IL34: variants seen among roughly 807,000 people sequenced by gnomAD.
IL34 encodes interleukin-34.
A neutral mutation model predicts 25.3 loss-of-function variants in IL34; 17 were observed. The observed-to-expected ratio is 0.67, with a 90% confidence interval of 0.46 to 1.01. IL34 has a LOEUF of 1.01. IL34 is among the 50% of genes least tolerant of loss of function. IL34 has a pLI of 0.00. For missense variants in IL34, 368 were observed against 312.9 expected, an observed-to-expected ratio of 1.18 and a Z score of -1.33; for synonymous variants, 174 against 140.9, an observed-to-expected ratio of 1.23 and a Z score of -1.66.
intron 1 of IL34, among the ~76,000 whole-genome samples, chr16:70,588,122 G>A (rs1222987955): frequency 1.3e-5 from 2 of 152,142 alleles, no homozygotes; most frequent in African/African-American, 4.8e-5. Context: ...GTTAACTGGT[G>A]CAGCTGCTGT....
intron 1 of IL34, among the ~76,000 whole-genome samples, chr16:70,637,531 A>G (rs2051682912): frequency 6.6e-6 from 1 of 151,906 alleles, no homozygotes; most frequent in Non-Finnish European, 1.5e-5. Context: ...TTTAGTAGAG[A>G]CGGGGTTTTA....
chr16:70,632,408 C>A (rs978898047), intron 1 of IL34, among the ~76,000 whole-genome samples: 3 of 152,178 alleles, frequency 2.0e-5, no homozygotes, highest in Non-Finnish European at 4.4e-5. Flanking sequence ...AACAAAATCT[C>A]CTTTTGTAGG....
chr16:70,642,262 CAG>C (rs560518038), upstream of IL34, among the ~76,000 whole-genome samples: 109 of 148,746 alleles, frequency 7.3e-4, 1 homozygote, highest in African/African-American at 2.5e-3. Flanking sequence ...GAGACAAAGA[CAG>C]AGACAGAGAG....
chr16:70,646,751 T>TGCC lies in IL34; in HGVS notation c.-195_-193dup. 2 of 523,068 alleles carry TGCC rather than the reference T, an allele frequency of 3.8e-6. No individual in the cohort carries two copies. The highest frequency in any genetic ancestry group is 2.9e-5 in the South Asian group (1 of 34,194). 32.4% of individuals were successfully genotyped at this position (523,068 alleles called of 1,614,324 possible). ...ACCGCCCCCCGGCTGTCCTCCACGC[T>TGCC]GCCGGGCAGATAAGGGCAGCTGCTG... On this transcript the variant is annotated 5_prime_UTR_variant, in exon 1 of 6. Transcript: ENST00000288098.
chr16:70,623,193 C>T lies in IL34; in HGVS notation c.-400-23355C>T, dbSNP rs146526353. On this transcript the variant is annotated intron_variant, in intron 1 of 6. Coordinates refer to the IL34 transcript ENST00000429149. ...GTACAGCCCAGGTAATTTGCTGAGC[C>T]TAATGGGTGTCAGGGTCAGTCCAAG... Among the ~76,000 whole-genome samples, 894 of 152,120 alleles carry T rather than the reference C, an allele frequency of 5.9e-3. 6 individuals carry two copies. The highest frequency in any genetic ancestry group is 0.017 in the Middle Eastern group (5 of 294).
chr16:70,596,030 G>T (rs1321501280), intron 1 of IL34, among the ~76,000 whole-genome samples: 2 of 150,826 alleles, frequency 1.3e-5, no homozygotes, highest in Non-Finnish European at 2.9e-5. Context: ...AAAAAAGAAA[G>T]TTGTATAGAC....
At chr16:70,627,663 T>C (rs2051426519) in intron 1 of IL34, among the ~76,000 whole-genome samples, 1 of 152,046 alleles carries the variant, frequency 6.6e-6, no homozygotes, top group African/African-American at 2.4e-5. Flanking sequence ...AGAGATGGGA[T>C]CTCACTATGT....
chr16:70,607,691 G>A (rs1233244011), intron 1 of IL34, among the ~76,000 whole-genome samples: 1 of 152,082 alleles, frequency 6.6e-6, no homozygotes, highest in Admixed American at 6.6e-5. Context: ...TTTTATTGGG[G>A]ATAAATGTTG....
chr16:70,606,122 C>T (rs749754654), intron 1 of IL34, among the ~76,000 whole-genome samples: 7 of 151,938 alleles, frequency 4.6e-5, no homozygotes, highest in Non-Finnish European at 1.0e-4. Context: ...ATTGGCCAGG[C>T]GCAGTGGCTC....
intron 1 of IL34, among the ~76,000 whole-genome samples, chr16:70,589,450 C>G (rs1180978493): frequency 2.6e-5 from 4 of 152,034 alleles, no homozygotes; most frequent in Non-Finnish European, 5.9e-5. Context: ...TCCCTGAGTT[C>G]TCATCATTTA....
intron 1 of IL34, among the ~76,000 whole-genome samples, chr16:70,585,392 T>TA (rs1382578065): frequency 2.0e-5 from 3 of 152,068 alleles, no homozygotes; most frequent in Non-Finnish European, 4.4e-5. Context: ...CCTGGCCAAT[T>TA]AAAAAATAAT....
upstream of IL34, among the ~76,000 whole-genome samples, chr16:70,643,121 G>A (rs2051826146): frequency 1.3e-5 from 2 of 152,066 alleles, no homozygotes; most frequent in Admixed American, 1.3e-4. Context: ...GGAGTGCAGT[G>A]GGACTACCTC....
chr16:70,626,001 C>G (rs558136071), intron 1 of IL34, among the ~76,000 whole-genome samples: 1 of 152,188 alleles, frequency 6.6e-6, no homozygotes, highest in Non-Finnish European at 1.5e-5. Context: ...CGATCCGAGT[C>G]ACGGCACCGA....
At chr16:70,649,273 C>T (rs1029280310) in intron 1 of IL34, among the ~76,000 whole-genome samples, 2 of 152,152 alleles carry the variant, frequency 1.3e-5, no homozygotes, top group African/African-American at 4.8e-5. Context: ...CAGCTCGGGG[C>T]CTTTTGCAGT....
intron 1 of IL34, chr16:70,654,239 C>T (rs149557040): frequency 0.016 from 4,341 of 264,222 alleles, 53 homozygotes; most frequent in Non-Finnish European, 0.023. Flanking sequence ...GTGCCTGCCC[C>T]ACGGAGCGAC....
At chr16:70,589,718 G>A (rs901030855) in intron 1 of IL34, among the ~76,000 whole-genome samples, 1 of 151,576 alleles carries the variant, frequency 6.6e-6, no homozygotes. Context: ...AGCCTCCTGG[G>A]TTCAAGTGAT....
At chr16:70,591,394 A>T (rs572568379) in intron 1 of IL34, among the ~76,000 whole-genome samples, 41 of 152,034 alleles carry the variant, frequency 2.7e-4, no homozygotes, top group African/African-American at 9.4e-4. Context: ...TCTGGCAGGG[A>T]CAGCAGTTTA....
chr16:70,599,001 A>C (rs1304095554), intron 1 of IL34, among the ~76,000 whole-genome samples: 1 of 152,220 alleles, frequency 6.6e-6, no homozygotes, highest in African/African-American at 2.4e-5. Flanking sequence ...GATTAGAGGC[A>C]TTATCACTAA....
intron 1 of IL34, among the ~76,000 whole-genome samples, chr16:70,653,333 C>G (rs1490432938): frequency 7.6e-6 from 1 of 132,216 alleles, no homozygotes; most frequent in East Asian, 2.4e-4. Context: ...GGCAACATAG[C>G]AAAACCCTGT....
Sources: gnomAD v4.1 joint callset for allele counts (sites outside exome capture counted in the v4.1 genomes callset) on GRCh38, gnomAD v4.1.1 for gene constraint, MANE v1.5 for transcripts, NCBI Gene and HGNC (gene_info 2026-07-23, HGNC 2026-07-21) for gene names.